The following CRB1 variants were observed in gnomAD, a reference collection of about 807,000 sequenced individuals.
The protein encoded by CRB1 is protein crumbs homolog 1.
A neutral mutation model predicts 120.0 loss-of-function variants in CRB1; 83 were observed. The observed-to-expected ratio is 0.69, with a 90% confidence interval of 0.58 to 0.83. CRB1 has a LOEUF of 0.83. Ranked by LOEUF, CRB1 falls within the 40% of genes least tolerant of loss-of-function variation. The pLI, the probability that CRB1 is intolerant of heterozygous loss-of-function variation, is 0.00. For synonymous variants in CRB1, 625 were observed against 612.5 expected, an observed-to-expected ratio of 1.02 and a Z score of -0.30; for missense variants, 1,699 against 1,687.6, an observed-to-expected ratio of 1.01 and a Z score of -0.12.
chr1:197,433,838 G>A (rs570266254), intron 8 of CRB1, among the ~76,000 whole-genome samples: 25 of 152,178 alleles, frequency 1.6e-4, no homozygotes, highest in African/African-American at 3.6e-4. Context: ...CAGACAATAC[G>A]TCTATTATAG....
At chr1:197,473,278 G>A (rs1667058346) in intron 11 of CRB1, among the ~76,000 whole-genome samples, 1 of 152,190 alleles carries the variant, frequency 6.6e-6, no homozygotes, top group African/African-American at 2.4e-5. Flanking sequence ...GAAACAAGAT[G>A]AAATTTCTTT....
chr1:197,357,350 T>TA, intron 5 of CRB1: 1 of 356,496 alleles, frequency 2.8e-6, no homozygotes, highest in Non-Finnish European at 5.3e-6. Context: ...TGTTAAATTT[T>TA]ATGTTATTCA....
chr1:197,297,632 G>A (rs559968383), intron 1 of CRB1, among the ~76,000 whole-genome samples: 1 of 152,182 alleles, frequency 6.6e-6, no homozygotes, highest in South Asian at 2.1e-4. Context: ...ACAACTTGGG[G>A]GATATCAATC....
At chr1:197,460,425 T>C (rs1666477295) in intron 11 of CRB1, among the ~76,000 whole-genome samples, 1 of 152,074 alleles carries the variant, frequency 6.6e-6, no homozygotes, top group African/African-American at 2.4e-5. Context: ...AAGCAGACCC[T>C]TCACTACCTG....
At chr1:197,467,846 GC>G (rs1392903871) in intron 11 of CRB1, among the ~76,000 whole-genome samples, 2 of 152,168 alleles carry the variant, frequency 1.3e-5, no homozygotes, top group Non-Finnish European at 2.9e-5. Context: ...TAAGTCATCA[GC>G]CTAGGAAAGG....
intron 5 of CRB1, among the ~76,000 whole-genome samples, chr1:197,361,862 G>C (rs1660787352): frequency 6.6e-6 from 1 of 150,982 alleles, no homozygotes. Context: ...ATTTCTGTTT[G>C]CTTTGGGTTT....
intron 5 of CRB1, among the ~76,000 whole-genome samples, chr1:197,412,552 C>T (rs1022124562): frequency 2.6e-5 from 4 of 152,112 alleles, no homozygotes; most frequent in Admixed American, 6.6e-5. Flanking sequence ...TTAGAAATGC[C>T]TCTCCAAGTA....
chr1:197,466,970 A>G (rs987752498), intron 11 of CRB1, among the ~76,000 whole-genome samples: 3 of 152,224 alleles, frequency 2.0e-5, no homozygotes, highest in Non-Finnish European at 4.4e-5. Context: ...ATGTGAGGAA[A>G]CTAACATGTG....
intron 4 of CRB1, among the ~76,000 whole-genome samples, chr1:197,349,037 C>T (rs1401784973): frequency 6.6e-6 from 1 of 152,174 alleles, no homozygotes; most frequent in Non-Finnish European, 1.5e-5. Context: ...AGAGCAACTT[C>T]CAGACCTCCA....
chr1:197,202,140 C>T, the CRB1 span, among the ~76,000 whole-genome samples: 2 of 152,160 alleles, frequency 1.3e-5, no homozygotes, highest in African/African-American at 2.4e-5. Context: ...TAATTTTCTT[C>T]CCCCACCCTC....
At chr1:197,450,892 G>A (rs1220598858) in intron 11 of CRB1, among the ~76,000 whole-genome samples, 3 of 147,914 alleles carry the variant, frequency 2.0e-5, no homozygotes, top group Non-Finnish European at 3.0e-5. Context: ...CCCGGGGGGC[G>A]GAGCTTGCGG....
At chr1:197,416,749 G>A (rs891233767) in intron 5 of CRB1, among the ~76,000 whole-genome samples, 24 of 151,732 alleles carry the variant, frequency 1.6e-4, no homozygotes, top group African/African-American at 5.8e-4. Flanking sequence ...TCGCTCTGTT[G>A]CCCCGGCTGG....
rs1319815178 is a variant in CRB1, at chr1:197,435,560, A to G, written c.3697A>G (p.Thr1233Ala). Residue 1233 changes from threonine to alanine, a missense_variant, in exon 9 of 12, where the codon ACT (threonine) becomes GCT (alanine). Physicochemically the swap from Thr to Ala is moderately conservative, Grantham distance 58. Transcript: ENST00000367400. ...CANGATCISH[T>A]NGYSCLCFGN... ...AAATGGAGCCACCTGCATTAGTCAT[A>G]CTAATGGCTATTCTTGCCTCTGTTT... 1 of 1,613,498 alleles carries G rather than the reference A, an allele frequency of 6.2e-7. No individual in the cohort carries two copies. The highest frequency in any genetic ancestry group is 1.3e-5 in the African/African-American group (1 of 75,014).
chr1:197,268,695 A>T (rs1167373120), intron 1 of CRB1, among the ~76,000 whole-genome samples: 1 of 152,158 alleles, frequency 6.6e-6, no homozygotes, highest in African/African-American at 2.4e-5. Flanking sequence ...TCCAATAGGT[A>T]TTCAGGTACA....
chr1:197,233,019 A>G, the CRB1 span, among the ~76,000 whole-genome samples: 1 of 151,960 alleles, frequency 6.6e-6, no homozygotes, highest in Admixed American at 6.6e-5. Context: ...TTAAATGGGC[A>G]TACTTGATAG....
rs1225620481 is a variant in CRB1, at chr1:197,438,658, A to T, written c.3861A>T (p.Pro1287=). ...FQTELKCMCR[P]GFTGEWCEKD... The stretch of plus-strand genomic sequence containing the variant: ...CTGAATTAAAATGTATGTGCCGGCC[A>T]GGTTTTACTGGAGAATGGTGAGTCA... Residue 1287 remains proline (P), a synonymous_variant, in exon 10 of 12, where the codon CCA becomes CCT. Coordinates refer to ENST00000367400, the MANE Select transcript of CRB1 (RefSeq NM_201253.3). The T allele has an allele frequency of 6.2e-7, 1 of 1,612,286 alleles. No individual in the cohort carries two copies. The highest frequency in any genetic ancestry group is 1.1e-5 in the South Asian group (1 of 91,058).
chr1:197,309,647 G>A (rs999202218), intron 1 of CRB1, among the ~76,000 whole-genome samples: 3 of 151,948 alleles, frequency 2.0e-5, no homozygotes, highest in Admixed American at 2.0e-4. Context: ...CCAGCTATGC[G>A]GGAGGCTGAG....
At chr1:197,365,811 G>A (rs1661042699) in intron 5 of CRB1, among the ~76,000 whole-genome samples, 1 of 151,944 alleles carries the variant, frequency 6.6e-6, no homozygotes, top group Non-Finnish European at 1.5e-5. Flanking sequence ...GCACCTCCTT[G>A]TGTTATGCTG....
intron 1 of CRB1, among the ~76,000 whole-genome samples, chr1:197,277,873 T>C (rs1182003510): frequency 1.3e-5 from 2 of 151,942 alleles, no homozygotes; most frequent in Non-Finnish European, 2.9e-5. Flanking sequence ...GATTTCATGA[T>C]TATTCTAGGT....
Sources: allele counts gnomAD v4.1 joint callset (sites outside exome capture counted in the v4.1 genomes callset), GRCh38; gene constraint gnomAD v4.1.1; transcripts MANE v1.5; gene names NCBI Gene and HGNC (gene_info 2026-07-23, HGNC 2026-07-21).